PALS2: variants seen among roughly 807,000 people sequenced by gnomAD.
The protein encoded by PALS2 is protein PALS2.
A neutral mutation model predicts 61.6 loss-of-function variants in PALS2; 27 were observed. That is an observed-to-expected ratio of 0.44 (90% CI 0.32 to 0.60). The LOEUF (loss-of-function observed/expected upper bound fraction) is 0.60. Ranked by LOEUF, PALS2 falls within the 20% of genes least tolerant of loss-of-function variation. The pLI, the probability that PALS2 is intolerant of heterozygous loss-of-function variation, is 0.05. For synonymous variants in PALS2, 236 were observed against 218.6 expected (o/e 1.08, Z -0.70); for missense variants, 554 against 639.4 (o/e 0.87, Z 1.44).
intron 2 of PALS2, among the ~76,000 whole-genome samples, chr7:24,633,015 G>T (rs1335066605): frequency 1.3e-5 from 2 of 151,998 alleles, no homozygotes; most frequent in Non-Finnish European, 2.9e-5. Flanking sequence ...AAATAACACT[G>T]TTTCCTGTCC....
intron 11 of PALS2, among the ~76,000 whole-genome samples, chr7:24,685,491 C>T (rs377346019): frequency 3.3e-5 from 5 of 151,998 alleles, no homozygotes; most frequent in African/African-American, 7.3e-5. Context: ...GCCTGTGTCT[C>T]CTCCTCCCCC....
chr7:24,659,897 T>C (rs181984493), intron 5 of PALS2, among the ~76,000 whole-genome samples: 28 of 152,306 alleles, frequency 1.8e-4, no homozygotes, highest in African/African-American at 6.7e-4. Flanking sequence ...ACTGATACTG[T>C]ATTCCATGCA....
At chr7:24,681,545 A>G (rs1286935296) in intron 11 of PALS2, among the ~76,000 whole-genome samples, 1 of 108,220 alleles carries the variant, frequency 9.2e-6, no homozygotes, top group Admixed American at 9.0e-5. Flanking sequence ...TTTTTTTTTT[A>G]CTGTTGATTT....
intron 1 of PALS2, among the ~76,000 whole-genome samples, chr7:24,597,716 A>G (rs1783574975): frequency 6.6e-6 from 1 of 152,184 alleles, no homozygotes; most frequent in Non-Finnish European, 1.5e-5. Flanking sequence ...CTTTCTCCTG[A>G]GATACAAGGA....
chr7:24,640,767 G>A (rs538456859), intron 2 of PALS2, among the ~76,000 whole-genome samples: 8 of 151,720 alleles, frequency 5.3e-5, no homozygotes, highest in African/African-American at 1.7e-4. Context: ...CCAGCACTTT[G>A]GGAGGCCGAG....
At chr7:24,578,111 T>TA (rs1035662042) in intron 1 of PALS2, among the ~76,000 whole-genome samples, 122 of 146,722 alleles carry the variant, frequency 8.3e-4, no homozygotes, top group Admixed American at 1.2e-3. Flanking sequence ...CCGAGCTAAT[T>TA]AAAAAAAAAA....
Position 24,687,705 on chromosome 7 carries a change from A to T in PALS2, c.*91A>T, listed in dbSNP as rs1788280238. 3.1e-6 allele frequency: 4 copies of T among 1,281,256 alleles called. No individual in the cohort carries two copies. The highest frequency in any genetic ancestry group is 5.4e-5 in the Admixed American group (2 of 37,334). The allele number at this position is 1,281,256 out of a possible 1,614,324, so 79.4% of individuals were successfully genotyped here. On this transcript the variant is annotated 3_prime_UTR_variant, in exon 12 of 12. Coordinates refer to ENST00000222644, the MANE Select transcript of PALS2 (RefSeq NM_001303037.2). The surrounding 1 kb of genome is among the most constrained non-coding windows in gnomAD (Gnocchi z 4.5). The stretch of plus-strand genomic sequence containing the variant: ...ACTGAGAAAATACATCACAGATAGA[A>T]GATTATCTGCTAAGTCCAGGCATTT...
At position 24,665,631 on chromosome 7, in the gene PALS2, G is replaced by T; in HGVS notation, c.827G>T (p.Ser276Ile). 1.2e-6 allele frequency: 2 copies of T among 1,613,792 alleles called. No individual in the cohort carries two copies. Among genetic ancestry groups the T allele is most frequent in the Non-Finnish European group, 1.7e-6 (2 of 1,179,722 alleles). Residue 276 changes from serine (S) to isoleucine (I), a missense_variant, in exon 7 of 12, where the codon AGC becomes ATC. Physicochemically the swap from Ser to Ile is moderately radical, Grantham distance 142. Coordinates refer to ENST00000222644, the MANE Select transcript of PALS2 (RefSeq NM_001303037.2). ...GGAGGAAGCGCTGGTCTCATTCCAAGCCAGTTCCTGGAAGAGAAGAGAAAG... is the reference window on the plus strand; with the variant it reads ...GGAGGAAGCGCTGGTCTCATTCCAATCCAGTTCCTGGAAGAGAAGAGAAAG... ...KEGGSAGLIPSQFLEEKRKAF... is the reference protein window; with the variant it reads ...KEGGSAGLIPIQFLEEKRKAF...
chr7:24,629,286 G>A (rs1358411741), intron 2 of PALS2, among the ~76,000 whole-genome samples: 3 of 152,150 alleles, frequency 2.0e-5, no homozygotes, highest in African/African-American at 7.2e-5. Context: ...CTAGCCATAT[G>A]CAGAAAACTG....
At chr7:24,665,880 G>C in intron 7 of PALS2, 141 bp from the exon 8 acceptor site, 1 of 953,514 alleles carries the variant, frequency 1.0e-6, no homozygotes, top group Non-Finnish European at 1.6e-6. Context: ...AAATTCAGTG[G>C]CTTAACTCAC....
At chr7:24,663,409 T>TAAAAGA (rs1786842800) in intron 5 of PALS2, 181 bp from the exon 6 acceptor site, 1 of 494,920 alleles carries the variant, frequency 2.0e-6, no homozygotes, top group Non-Finnish European at 3.2e-6. Context: ...ATTATCTTTC[T>TAAAAGA]GATACCAAAA....
chr7:24,587,103 A>G (rs1783096137), intron 1 of PALS2, among the ~76,000 whole-genome samples: 1 of 151,886 alleles, frequency 6.6e-6, no homozygotes, highest in Non-Finnish European at 1.5e-5. Flanking sequence ...GATTTGAGCA[A>G]GTTGTTCTCA....
intron 2 of PALS2, among the ~76,000 whole-genome samples, chr7:24,635,388 T>A (rs1223856189): frequency 6.6e-6 from 1 of 152,244 alleles, no homozygotes; most frequent in Non-Finnish European, 1.5e-5. Flanking sequence ...TTGATTTTTG[T>A]ATATTGATCT....
intron 3 of PALS2, among the ~76,000 whole-genome samples, chr7:24,647,129 T>A (rs191279386): frequency 1.3e-5 from 2 of 151,788 alleles, no homozygotes; most frequent in Non-Finnish European, 1.5e-5. Flanking sequence ...GTTGTTGTTG[T>A]TGTTTTAATT....
At position 24,577,790 on chromosome 7, in the gene PALS2, C is replaced by CA. The variant is rs1406944421; in HGVS notation, c.-3+4198dup. Among the ~76,000 whole-genome samples the CA allele has an allele frequency of 3.3e-5, 5 of 152,284 alleles. No individual in the cohort carries two copies. In the East Asian group the frequency reaches 5.8e-4, roughly 18 times the overall value. On this transcript the variant is annotated intron_variant, in intron 1 of 11. Coordinates refer to ENST00000222644, the MANE Select transcript of PALS2 (RefSeq NM_001303037.2). ...CTACCTAACCATCCTTCCAGAATGA[C>CA]ACTAGCCTCATCCCCCTCAATCCCA...
chr7:24,585,903 C>A (rs1464592087), intron 1 of PALS2, among the ~76,000 whole-genome samples: 1 of 152,138 alleles, frequency 6.6e-6, no homozygotes. Context: ...TCTTCTACTC[C>A]TACTCTGCCA....
intron 11 of PALS2, among the ~76,000 whole-genome samples, chr7:24,684,005 A>C (rs938837438): frequency 6.6e-6 from 1 of 152,210 alleles, no homozygotes; most frequent in African/African-American, 2.4e-5. Flanking sequence ...AAGTATATCA[A>C]CATAACCACC....
At chr7:24,575,411 G>A (rs568441925) in intron 1 of PALS2, among the ~76,000 whole-genome samples, 3 of 151,928 alleles carry the variant, frequency 2.0e-5, no homozygotes, top group Non-Finnish European at 4.4e-5. Context: ...AACATTTGAG[G>A]GAGCAGTTTG....
At chr7:24,607,079 G>A (rs1783927539) in intron 1 of PALS2, among the ~76,000 whole-genome samples, 2 of 152,058 alleles carry the variant, frequency 1.3e-5, no homozygotes, top group African/African-American at 4.8e-5. Context: ...CAGATTTTTG[G>A]ATTAGAGATG....
Sources: gnomAD v4.1 joint callset for allele counts (sites outside exome capture counted in the v4.1 genomes callset) on GRCh38, gnomAD v4.1.1 for gene constraint, Gnocchi (gnomAD v3.1) non-coding constraint, MANE v1.5 for transcripts, NCBI Gene and HGNC (gene_info 2026-07-23, HGNC 2026-07-21) for gene names.